Variants in GRAMD1B observed in about 807,000 individuals in gnomAD.
The protein encoded by GRAMD1B is protein Aster-B.
A neutral mutation model predicts 99.7 loss-of-function variants in GRAMD1B; 37 were observed. That is an observed-to-expected ratio of 0.37 (90% CI 0.29 to 0.49). The LOEUF (loss-of-function observed/expected upper bound fraction) is 0.49. GRAMD1B is among the 20% of genes least tolerant of loss of function. The pLI, the probability that GRAMD1B is intolerant of heterozygous loss-of-function variation, is 0.98. For synonymous variants in GRAMD1B, 427 were observed against 387.6 expected (o/e 1.10, Z -1.19); for missense variants, 888 against 1,009.2 (o/e 0.88, Z 1.63).
intron 10 of GRAMD1B, 77 bp from the exon 11 acceptor site, chr11:123,606,532 T>C (rs1148090): frequency 0.88 from 1,140,828 of 1,303,532 alleles, 500,273 homozygotes; most frequent in East Asian, 1. Flanking sequence ...CTGCCAAGGC[T>C]GCATCCCTAA....
chr11:123,365,175 A>G (rs1946276084), intron 1 of GRAMD1B, among the ~76,000 whole-genome samples: 1 of 152,182 alleles, frequency 6.6e-6, no homozygotes, highest in African/African-American at 2.4e-5. Context: ...TAAGTGGCAA[A>G]CCAATGTTCT....
chr11:123,609,189 G>A (rs1953183928), intron 12 of GRAMD1B, among the ~76,000 whole-genome samples: 1 of 152,174 alleles, frequency 6.6e-6, no homozygotes, highest in Non-Finnish European at 1.5e-5. Flanking sequence ...TACCCTGTGT[G>A]TGGACACCGA....
At chr11:123,599,597 G>A (rs375979243) in intron 7 of GRAMD1B, 39 of 386,436 alleles carry the variant, frequency 1.0e-4, no homozygotes, top group Middle Eastern at 9.1e-4. Context: ...CTCAGCCTCC[G>A]GAATAGCTGA....
chr11:123,577,492 C>G lies in GRAMD1B; in HGVS notation c.578C>G (p.Ser193Trp). The change falls in exon 3 of 20, where the codon TCG becomes TGG. Residue 193 changes from serine to tryptophan, a missense_variant. This residue lies in a region of GRAMD1B where 233 missense variants were observed against 154.6 expected (regional missense o/e 1.51). Coordinates refer to ENST00000635736, the MANE Select transcript of GRAMD1B (RefSeq NM_001387025.1). ...TMVEKGSDHSSDKSPSTPEQG... is the reference protein window; with the variant it reads ...TMVEKGSDHSWDKSPSTPEQG... ...GTGGAGAAGGGCTCAGATCACTCCTCGGACAAGTCCCCGTCCACACCGGAG... is the reference window on the plus strand; with the variant it reads ...GTGGAGAAGGGCTCAGATCACTCCTGGGACAAGTCCCCGTCCACACCGGAG... The G allele has an allele frequency of 6.2e-7, 1 of 1,603,430 alleles. No individual in the cohort carries two copies. Among genetic ancestry groups the G allele is most frequent in the Non-Finnish European group, 8.5e-7 (1 of 1,175,300 alleles).
At chr11:123,413,318 C>T (rs1236350287) in intron 1 of GRAMD1B, among the ~76,000 whole-genome samples, 1 of 152,168 alleles carries the variant, frequency 6.6e-6, no homozygotes, top group Admixed American at 6.5e-5. Flanking sequence ...TGGAGCAAAG[C>T]ATATTCTGTC....
In GRAMD1B at chr11:123,400,961, G is replaced by A. The variant is rs111398854; in HGVS notation, c.-176+42162G>A. Among the ~76,000 whole-genome samples, 814 of 152,228 alleles carry A rather than the reference G, an allele frequency of 5.3e-3. 3 individuals are homozygous for A. The highest frequency in any genetic ancestry group is 9.0e-3 in the Non-Finnish European group (614 of 68,008). Reference sequence around the variant, plus strand: ...TCTCCAAGTTTATTGAACTAATAAGGGAAGAAGCTAGTACCTGAACTCAGA... The same window carrying A: ...TCTCCAAGTTTATTGAACTAATAAGAGAAGAAGCTAGTACCTGAACTCAGA... On this transcript the variant is annotated intron_variant, in intron 1 of 20. Transcript: ENST00000638157.
intron 1 of GRAMD1B, 147 bp from the exon 2 acceptor site, chr11:123,480,669 C>G (rs970113800): frequency 2.6e-5 from 10 of 392,034 alleles, no homozygotes; most frequent in African/African-American, 2.1e-4. Context: ...TCTAACTGTG[C>G]ATTCTCTATG....
chr11:123,602,237 A>G (rs1736367541), intron 8 of GRAMD1B, among the ~76,000 whole-genome samples: 2 of 152,150 alleles, frequency 1.3e-5, no homozygotes, highest in Admixed American at 6.6e-5. Context: ...ATCCTAGCTC[A>G]TTGTACTCTG....
chr11:123,393,409 T>C (rs1947347772), intron 1 of GRAMD1B, among the ~76,000 whole-genome samples: 1 of 152,218 alleles, frequency 6.6e-6, no homozygotes, highest in Admixed American at 6.5e-5. Context: ...GGGAGAAGCC[T>C]GACAGGGTGG....
chr11:123,506,518 TA>T (rs1269584122), intron 2 of GRAMD1B, among the ~76,000 whole-genome samples: 1 of 152,108 alleles, frequency 6.6e-6, no homozygotes, highest in Non-Finnish European at 1.5e-5. Flanking sequence ...AATGATATTA[TA>T]AAGAGGCATT....
intron 1 of GRAMD1B, among the ~76,000 whole-genome samples, chr11:123,444,837 C>T (rs1017931050): frequency 6.6e-6 from 1 of 152,154 alleles, no homozygotes; most frequent in African/African-American, 2.4e-5. Context: ...CCACACCTCC[C>T]TCTCTCTTTT....
chr11:123,598,405 C>T (rs77102674), intron 7 of GRAMD1B: 12,669 of 947,662 alleles, frequency 0.013, 238 homozygotes, highest in South Asian at 0.052. Flanking sequence ...CCTGTCCTTG[C>T]TTGCTCGCGT....
chr11:123,392,806 G>T (rs1377417682), intron 1 of GRAMD1B, among the ~76,000 whole-genome samples: 3 of 152,098 alleles, frequency 2.0e-5, no homozygotes, highest in African/African-American at 7.2e-5. Flanking sequence ...TATACTCCTA[G>T]AGATAAATTT....
intron 1 of GRAMD1B, among the ~76,000 whole-genome samples, chr11:123,393,260 T>C (rs1287129757): frequency 6.6e-6 from 1 of 152,254 alleles, no homozygotes; most frequent in Non-Finnish European, 1.5e-5. Flanking sequence ...CCAGTTACTT[T>C]AGCTTTCCCT....
chr11:123,369,265 C>T (rs1028539114), intron 1 of GRAMD1B, among the ~76,000 whole-genome samples: 1 of 151,992 alleles, frequency 6.6e-6, no homozygotes, highest in Admixed American at 6.5e-5. Flanking sequence ...CACACCATTG[C>T]ACTCCAGCCT....
intron 1 of GRAMD1B, among the ~76,000 whole-genome samples, chr11:123,440,225 A>G (rs1949344290): frequency 6.6e-6 from 1 of 152,196 alleles, no homozygotes; most frequent in Non-Finnish European, 1.5e-5. Flanking sequence ...ATAAAAGTCA[A>G]CGCGGCCAGA....
At chr11:123,569,395 T>C (rs1592052870) in intron 2 of GRAMD1B, among the ~76,000 whole-genome samples, 1 of 152,214 alleles carries the variant, frequency 6.6e-6, no homozygotes, top group Admixed American at 6.5e-5. Context: ...GGCTTTTCAC[T>C]CCCCTCTACA....
Position 123,610,387 on chromosome 11 carries a change from A to G in GRAMD1B, c.1919+49A>G. On this transcript the variant is annotated intron_variant, in intron 14 of 19. Coordinates refer to ENST00000635736, the MANE Select transcript of GRAMD1B (RefSeq NM_001387025.1). This position sits in a 1 kb window ranked among gnomAD's most constrained non-coding sequence, Gnocchi z 4.1. ...GCGGTCAGACGGGGGTCCTTACCTT[A>G]GAGAACATTCATTTGCTCCTGACGG... 6.3e-7 allele frequency: 1 copy of G among 1,584,174 alleles called. No homozygotes were observed. Among genetic ancestry groups the G allele is most frequent in the Non-Finnish European group, 8.7e-7 (1 of 1,153,960 alleles).
intron 4 of GRAMD1B, 71 bp from the exon 5 acceptor site, chr11:123,594,011 T>C (rs753479672): frequency 3.9e-6 from 4 of 1,027,290 alleles, no homozygotes; most frequent in Non-Finnish European, 6.2e-6. Context: ...CAAGTGCTCC[T>C]CATCTTGCCC....
Sources: allele counts gnomAD v4.1 joint callset (sites outside exome capture counted in the v4.1 genomes callset), GRCh38; gene constraint gnomAD v4.1.1; regional missense constraint gnomAD v4.1.1; non-coding constraint Gnocchi (gnomAD v3.1); transcripts MANE v1.5; gene names NCBI Gene and HGNC (gene_info 2026-07-23, HGNC 2026-07-21).